Variants in XXYLT1 observed in about 807,000 individuals in gnomAD.
The protein encoded by XXYLT1 is xyloside xylosyltransferase 1, also known as UDP-xylose:alpha-xyloside alpha-1,3-xylosyltransferase.
XXYLT1 carries 20 observed loss-of-function variants against 28.9 expected under a neutral mutation model. That is an observed-to-expected ratio of 0.69 (90% confidence interval 0.49 to 1.00). The LOEUF (loss-of-function observed/expected upper bound fraction) is 1.00. Among genes scored for constraint, XXYLT1 ranks in the 50% least tolerant of loss-of-function variants. XXYLT1 has a pLI of 0.00. For synonymous variants in XXYLT1, 257 were observed against 253.8 expected (o/e 1.01, Z -0.12); for missense variants, 542 against 560.1 (o/e 0.97, Z 0.33).
At chr3:195,087,365 A>T (rs1300187873) in intron 3 of XXYLT1, 1 of 152,262 alleles carries the variant, frequency 6.6e-6, no homozygotes, top group African/African-American at 2.4e-5. Flanking sequence ...CCTTCCAGAT[A>T]AATCTCTTGA....
Position 195,078,753 on chromosome 3 carries a change from C to G in XXYLT1, c.786-8642G>C, listed in dbSNP as rs900181116. 6.6e-6 allele frequency among the ~76,000 whole-genome samples: 1 copy of G among 152,146 alleles called. No individual in the cohort carries two copies. The highest frequency in any genetic ancestry group is 1.5e-5 in the Non-Finnish European group (1 of 68,026). On this transcript the variant is annotated intron_variant, in intron 3 of 3. Coordinates refer to ENST00000310380, the MANE Select transcript of XXYLT1 (RefSeq NM_152531.5). The surrounding 1 kb of genome is among the most constrained non-coding windows in gnomAD (Gnocchi z 5.0). ...GGCTGCACACAGCCCCCCACACTTCCAGAGCTGTCCTCCCCACCTCCCATC... is the reference window on the plus strand; with the variant it reads ...GGCTGCACACAGCCCCCCACACTTCGAGAGCTGTCCTCCCCACCTCCCATC...
At chr3:195,238,470 C>T (rs545764648) in intron 1 of XXYLT1, among the ~76,000 whole-genome samples, 1 of 152,322 alleles carries the variant, frequency 6.6e-6, no homozygotes, top group Non-Finnish European at 1.5e-5. Context: ...AGGCAGAGGC[C>T]GTGACTGCTC....
At chr3:195,252,965 T>G (rs991099820) in intron 1 of XXYLT1, among the ~76,000 whole-genome samples, 46 of 152,232 alleles carry the variant, frequency 3.0e-4, no homozygotes, top group East Asian at 3.9e-4. Context: ...ATTCCCCTGC[T>G]CTATCCAAAT....
intron 2 of XXYLT1, among the ~76,000 whole-genome samples, chr3:195,181,266 C>T (rs921131498): frequency 1.4e-5 from 2 of 143,134 alleles, no homozygotes; most frequent in Non-Finnish European, 2.9e-5. Flanking sequence ...TGTGTATCTG[C>T]GTGGCTGCGT....
chr3:195,086,844 G>T (rs1428412944), intron 3 of XXYLT1, among the ~76,000 whole-genome samples: 2 of 152,124 alleles, frequency 1.3e-5, no homozygotes, highest in Non-Finnish European at 2.9e-5. Context: ...GGGACAAAGA[G>T]CTCCGGGTCC....
chr3:195,159,336 C>A (rs1298327440), intron 2 of XXYLT1, among the ~76,000 whole-genome samples: 2 of 152,204 alleles, frequency 1.3e-5, no homozygotes, highest in Non-Finnish European at 2.9e-5. Context: ...AGAAGAGAGA[C>A]TTGTCAGGCA....
chr3:195,254,046 T>TG (rs1725381800), intron 1 of XXYLT1, among the ~76,000 whole-genome samples: 1 of 152,178 alleles, frequency 6.6e-6, no homozygotes, highest in Admixed American at 6.5e-5. Context: ...GCACCCCCAC[T>TG]GGGGTGGGGA....
chr3:195,230,548 GT>G (rs367982470), intron 1 of XXYLT1, among the ~76,000 whole-genome samples: 1 of 151,894 alleles, frequency 6.6e-6, no homozygotes, highest in Non-Finnish European at 1.5e-5. Context: ...AATCCACTTT[GT>G]TTTTTTATAT....
chr3:195,160,172 C>T (rs1720802175), intron 2 of XXYLT1, among the ~76,000 whole-genome samples: 1 of 152,172 alleles, frequency 6.6e-6, no homozygotes, highest in African/African-American at 2.4e-5. Flanking sequence ...TTAGCAGACA[C>T]ATCTTAACAC....
rs1214745376 is a variant in XXYLT1, at chr3:195,109,792, GGTGTGTGTGGTGTATGAGT to G, written c.786-39700_786-39682del. Among the ~76,000 whole-genome samples the G allele has an allele frequency of 1.2e-4, 6 of 49,552 alleles. 1 individual carries two copies. Among genetic ancestry groups the G allele is most frequent in the East Asian group, 3.3e-4 (1 of 3,042 alleles). The allele number at this position is 49,552 out of a possible 152,430, so 32.5% of individuals were successfully genotyped here. A position where few individuals can be genotyped will look rare whatever the true frequency, so the allele number is the denominator to read the frequency against. ...CTGGGTGTGTGTGTGGTGTATGTGT[GGTGTGTGTGGTGTATGAGT>G]GTGTGTGTGGTGTATGAGTGTGCGT... On this transcript the variant is annotated intron_variant, in intron 3 of 3. Transcript: ENST00000310380.
At chr3:195,228,743 C>T (rs1436496645) in intron 1 of XXYLT1, among the ~76,000 whole-genome samples, 1 of 151,990 alleles carries the variant, frequency 6.6e-6, no homozygotes, top group African/African-American at 2.4e-5. Context: ...CCGCCTCGGC[C>T]TCCCAAAGTG....
At chr3:195,098,371 T>G (rs939626885) in intron 3 of XXYLT1, among the ~76,000 whole-genome samples, 2 of 151,968 alleles carry the variant, frequency 1.3e-5, no homozygotes, top group African/African-American at 2.4e-5. Context: ...GGCTAACATG[T>G]TGAAACCCTG....
chr3:195,201,319 CTCTA>C (rs1183960186), intron 2 of XXYLT1, among the ~76,000 whole-genome samples: 1 of 152,170 alleles, frequency 6.6e-6, no homozygotes, highest in African/African-American at 2.4e-5. Context: ...CAAAGAGGTG[CTCTA>C]TCTATCCTGG....
chr3:195,208,725 C>G (rs1036081174), intron 2 of XXYLT1, among the ~76,000 whole-genome samples: 1 of 152,138 alleles, frequency 6.6e-6, no homozygotes, highest in African/African-American at 2.4e-5. Context: ...AGAGCTACCC[C>G]TAATAAACCC....
chr3:195,267,363 G>A (rs1220957433), intron 1 of XXYLT1, among the ~76,000 whole-genome samples: 1 of 152,224 alleles, frequency 6.6e-6, no homozygotes, highest in Non-Finnish European at 1.5e-5. Flanking sequence ...GCTCCTTAAA[G>A]GGGAAATACA....
At chr3:195,144,269 T>C in intron 3 of XXYLT1, among the ~76,000 whole-genome samples, 1 of 142,436 alleles carries the variant, frequency 7.0e-6, no homozygotes, top group East Asian at 2.7e-4. Flanking sequence ...ATCTGATCGG[T>C]GCAAATGGCT....
In XXYLT1 at chr3:195,181,504, C is replaced by T. The variant is rs193182780; in HGVS notation, c.653-24923G>A. Among the ~76,000 whole-genome samples, 534 of 152,328 alleles carry T rather than the reference C, an allele frequency of 3.5e-3. 3 individuals carry two copies. Among genetic ancestry groups the T allele is most frequent in the African/African-American group, 0.012 (500 of 41,576 alleles). On this transcript the variant is annotated intron_variant, in intron 2 of 3. Transcript: ENST00000310380. ...GGAAGTGGATGATAATAGATATCCA[C>T]AATCATGGTGTGAGCAGGTAACACT...
chr3:195,266,878 G>A (rs907352955), intron 1 of XXYLT1, among the ~76,000 whole-genome samples: 10 of 152,206 alleles, frequency 6.6e-5, no homozygotes, highest in Non-Finnish European at 1.5e-5. Flanking sequence ...TTAGAAAATG[G>A]ACTTACTGTA....
At position 195,114,845 on chromosome 3, in the gene XXYLT1, G is replaced by A. The variant is rs111612543; in HGVS notation, c.785+41604C>T. On this transcript the variant is annotated intron_variant, in intron 3 of 3. Coordinates refer to ENST00000310380, the MANE Select transcript of XXYLT1 (RefSeq NM_152531.5). The stretch of plus-strand genomic sequence containing the variant: ...TACAGGCTTAGAAAACCAGGGAGGA[G>A]TGAAGCCGCTCAGTGGTCTCCCTGC... Among the ~76,000 whole-genome samples, 271 of 152,358 alleles carry A rather than the reference G, an allele frequency of 1.8e-3. 1 individual carries two copies. The highest frequency in any genetic ancestry group is 6.2e-3 in the African/African-American group (258 of 41,596).
Sources: gnomAD v4.1 joint callset for allele counts (sites outside exome capture counted in the v4.1 genomes callset) on GRCh38, gnomAD v4.1.1 for gene constraint, Gnocchi (gnomAD v3.1) non-coding constraint, MANE v1.5 for transcripts, NCBI Gene and HGNC (gene_info 2026-07-23, HGNC 2026-07-21) for gene names.